Variants in KCTD16 observed in about 807,000 individuals in gnomAD.
KCTD16 encodes the protein BTB/POZ domain-containing protein KCTD16.
In KCTD16, 13 loss-of-function variants were observed where a neutral mutation model predicts 33.2. That is an observed-to-expected ratio of 0.39 (90% CI 0.25 to 0.62). KCTD16 has a LOEUF of 0.62. KCTD16 is among the 20% of genes least tolerant of loss of function. The pLI is 0.50. For missense variants in KCTD16, 441 were observed against 525.1 expected (o/e 0.84, Z 1.57); for synonymous variants, 197 against 195.3 (o/e 1.01, Z -0.07).
intron 3 of KCTD16, among the ~76,000 whole-genome samples, chr5:144,238,560 A>G (rs114251466): frequency 1.2e-3 from 178 of 152,166 alleles, no homozygotes; most frequent in African/African-American, 4.1e-3. Flanking sequence ...TTCTCTGGAG[A>G]CTGTGATGGT....
At chr5:144,359,411 A>T (rs1756150700) in intron 3 of KCTD16, among the ~76,000 whole-genome samples, 1 of 152,138 alleles carries the variant, frequency 6.6e-6, no homozygotes. Flanking sequence ...ATCAGTCATG[A>T]ATTAAAGTCA....
chr5:144,417,975 G>A (rs1022580156), intron 3 of KCTD16, among the ~76,000 whole-genome samples: 4 of 152,164 alleles, frequency 2.6e-5, no homozygotes, highest in African/African-American at 9.6e-5. Flanking sequence ...TCCTTCTGAT[G>A]TTCAGAAGTG....
chr5:144,414,733 CT>C (rs1159739381), intron 3 of KCTD16, among the ~76,000 whole-genome samples: 7 of 152,066 alleles, frequency 4.6e-5, no homozygotes, highest in Non-Finnish European at 2.9e-5. Flanking sequence ...CAATTTTTTT[CT>C]GCTATATCAC....
chr5:144,333,059 T>A (rs1752397957), intron 3 of KCTD16, among the ~76,000 whole-genome samples: 1 of 152,158 alleles, frequency 6.6e-6, no homozygotes, highest in Non-Finnish European at 1.5e-5. Flanking sequence ...CTCGTGGGAA[T>A]TATGGGAGCT....
At chr5:144,399,001 TAC>T (rs1245853665) in intron 3 of KCTD16, among the ~76,000 whole-genome samples, 1 of 151,992 alleles carries the variant, frequency 6.6e-6, no homozygotes, top group Admixed American at 6.6e-5. Flanking sequence ...AATCTCTAAG[TAC>T]CAGAGTGAAA....
intron 3 of KCTD16, among the ~76,000 whole-genome samples, chr5:144,296,473 G>C (rs1756039870): frequency 6.6e-6 from 1 of 152,128 alleles, no homozygotes; most frequent in Admixed American, 6.5e-5. Context: ...TTATTTTCCA[G>C]TTCTCTGGGG....
chr5:144,292,321 C>T (rs1413571188), intron 3 of KCTD16, among the ~76,000 whole-genome samples: 2 of 152,066 alleles, frequency 1.3e-5, no homozygotes, highest in African/African-American at 4.8e-5. Context: ...TTGAGCAGAG[C>T]ATGGTTTGGT....
chr5:144,392,043 T>C (rs1436488277), intron 3 of KCTD16, among the ~76,000 whole-genome samples: 1 of 152,240 alleles, frequency 6.6e-6, no homozygotes, highest in African/African-American at 2.4e-5. Flanking sequence ...AATGACTATA[T>C]AATTATAACT....
At chr5:144,369,768 T>C (rs1751924704) in intron 3 of KCTD16, among the ~76,000 whole-genome samples, 1 of 152,168 alleles carries the variant, frequency 6.6e-6, no homozygotes, top group East Asian at 1.9e-4. Context: ...ATACAGCATT[T>C]CCCAGGTGTA....
chr5:144,451,281 A>G (rs1269462942), intron 3 of KCTD16, among the ~76,000 whole-genome samples: 3 of 152,084 alleles, frequency 2.0e-5, no homozygotes, highest in African/African-American at 4.8e-5. Context: ...GGAGTAGTCA[A>G]TTTCTCCAAG....
chr5:144,191,348 G>A (rs1395417529), intron 2 of KCTD16, among the ~76,000 whole-genome samples: 3 of 152,132 alleles, frequency 2.0e-5, no homozygotes, highest in Non-Finnish European at 2.9e-5. Context: ...ACAGAATTAA[G>A]TTCAAACTCC....
At chr5:144,185,186 T>C (rs576674965) in intron 2 of KCTD16, among the ~76,000 whole-genome samples, 34 of 152,284 alleles carry the variant, frequency 2.2e-4, no homozygotes, top group African/African-American at 5.8e-4. Flanking sequence ...TGAGGATGGG[T>C]ACCTAGGAAG....
chr5:144,395,859 T>C (rs566161074), intron 3 of KCTD16, among the ~76,000 whole-genome samples: 1 of 152,344 alleles, frequency 6.6e-6, no homozygotes, highest in Admixed American at 6.5e-5. Flanking sequence ...TGTCAGCCTC[T>C]ACATCAGGTG....
intron 3 of KCTD16, among the ~76,000 whole-genome samples, chr5:144,210,782 G>T (rs766001227): frequency 4.0e-4 from 61 of 152,094 alleles, no homozygotes; most frequent in Non-Finnish European, 6.5e-4. Context: ...GATTGTTCTT[G>T]GTTGGAGAGA....
chr5:144,432,653 G>A (rs916006001), intron 3 of KCTD16, among the ~76,000 whole-genome samples: 13 of 152,054 alleles, frequency 8.5e-5, no homozygotes, highest in African/African-American at 2.7e-4. Context: ...GTGTGTGTGT[G>A]TGTATATATC....
chr5:144,223,207 G>A (rs1013333782), intron 3 of KCTD16, among the ~76,000 whole-genome samples: 4 of 152,118 alleles, frequency 2.6e-5, no homozygotes, highest in Non-Finnish European at 5.9e-5. Flanking sequence ...ACGAGTTAAT[G>A]GGTGCAGCAC....
At chr5:144,205,771 T>A (rs1753151264) in intron 2 of KCTD16, 1 of 393,068 alleles carries the variant, frequency 2.5e-6, no homozygotes, top group East Asian at 3.6e-5. Context: ...GGGCTTAACT[T>A]TTTTTGCGAC....
intron 3 of KCTD16, among the ~76,000 whole-genome samples, chr5:144,406,043 G>A (rs1054558100): frequency 6.6e-6 from 1 of 152,150 alleles, no homozygotes; most frequent in Admixed American, 6.5e-5. Context: ...GACATACTGA[G>A]GCTTGTTGTT....
intron 3 of KCTD16, among the ~76,000 whole-genome samples, chr5:144,258,010 AC>A (rs1365329170): frequency 6.6e-6 from 1 of 152,178 alleles, no homozygotes; most frequent in Non-Finnish European, 1.5e-5. Context: ...ATAGAGCTAT[AC>A]CCCAGTCTTT....
Sources: allele counts gnomAD v4.1 joint callset (sites outside exome capture counted in the v4.1 genomes callset), GRCh38; gene constraint gnomAD v4.1.1; transcripts MANE v1.5; gene names NCBI Gene and HGNC (gene_info 2026-07-23, HGNC 2026-07-21).